RLF: variants seen among roughly 807,000 people sequenced by gnomAD.
The protein encoded by RLF is zinc finger protein Rlf.
A neutral mutation model predicts 162.9 loss-of-function variants in RLF; 7 were observed. The ratio of observed to expected loss-of-function variants is 0.04; its 90% CI spans 0.02 to 0.08. The LOEUF (loss-of-function observed/expected upper bound fraction) is 0.08, where lower values mean the gene tolerates loss of function less well. Ranked by LOEUF, RLF falls within the 10% of genes least tolerant of loss-of-function variation. The pLI is 1.00. For missense variants in RLF, 1,664 were observed against 2,244.7 expected, an observed-to-expected ratio of 0.74 and a Z score of 5.23; for synonymous variants, 782 against 791.5, an observed-to-expected ratio of 0.99 and a Z score of 0.20.
chr1:40,182,248 A>G (rs771999340), intron 1 of RLF, among the ~76,000 whole-genome samples: 14 of 152,094 alleles, frequency 9.2e-5, no homozygotes, highest in Admixed American at 5.9e-4. Context: ...CCTGGCCAAC[A>G]TGGTGAAACC....
intron 1 of RLF, among the ~76,000 whole-genome samples, chr1:40,188,312 C>T (rs987188523): frequency 5.9e-5 from 9 of 152,146 alleles, no homozygotes; most frequent in Admixed American, 5.9e-4. Context: ...TATAATTTAT[C>T]AGGCTTTATT....
chr1:40,163,346 C>G (rs1284689355), intron 1 of RLF, among the ~76,000 whole-genome samples: 1 of 152,100 alleles, frequency 6.6e-6, no homozygotes, highest in East Asian at 1.9e-4. Flanking sequence ...TGCAGGAAAA[C>G]AACTGTGGGT....
Position 40,240,526 on chromosome 1 carries a change from A to G in RLF, c.*79A>G. 1 of 984,800 alleles carries G rather than the reference A, an allele frequency of 1.0e-6. No homozygotes were observed. Among genetic ancestry groups the G allele is most frequent in the South Asian group, 1.5e-5 (1 of 65,526 alleles). 61.0% of individuals were successfully genotyped at this position (984,800 alleles called of 1,614,324 possible). On this transcript the variant is annotated 3_prime_UTR_variant, in exon 8 of 8. Transcript: ENST00000372771. Reference sequence around the variant, plus strand: ...TTTGCCAACTCGAACAAAGGCTGAGAAGCAGCCACACCGTTGTTTAGGGTA... The same window carrying G: ...TTTGCCAACTCGAACAAAGGCTGAGGAGCAGCCACACCGTTGTTTAGGGTA...
chr1:40,210,471 T>C (rs1017564407), intron 5 of RLF, among the ~76,000 whole-genome samples: 1 of 152,186 alleles, frequency 6.6e-6, no homozygotes, highest in Non-Finnish European at 1.5e-5. Flanking sequence ...AATACCCTGC[T>C]TAGGGCAGAG....
chr1:40,231,643 A>G lies in RLF; in HGVS notation c.1074A>G (p.Arg358=), dbSNP rs1238977016. 1.2e-6 allele frequency: 2 copies of G among 1,612,896 alleles called. No homozygotes were observed. The highest frequency in any genetic ancestry group is 2.2e-5 in the South Asian group (2 of 90,678). ...KTQQHLFCLI[R]VIQTEAQDAG... is the part of the protein sequence containing the mutation. ...AGCAGCATTTATTTTGCCTCATTAG[A>G]GTTATACAAACTGAAGTGAGTACTT... The change falls in exon 7 of 8, where the codon AGA becomes AGG. Residue 358 remains arginine (R), a synonymous_variant. Coordinates refer to ENST00000372771, the MANE Select transcript of RLF (RefSeq NM_012421.4).
At chr1:40,226,684 T>A (rs888814068) in intron 6 of RLF, among the ~76,000 whole-genome samples, 8 of 151,826 alleles carry the variant, frequency 5.3e-5, no homozygotes, top group African/African-American at 1.9e-4. Context: ...CTTTAAAAAT[T>A]TTTTTTTTCT....
chr1:40,224,236 A>C (rs968736829), intron 6 of RLF, among the ~76,000 whole-genome samples: 1 of 152,010 alleles, frequency 6.6e-6, no homozygotes, highest in Non-Finnish European at 1.5e-5. Context: ...GAGTAAAGGA[A>C]AGAAAATCTT....
At chr1:40,185,904 C>T (rs1642474234) in intron 1 of RLF, among the ~76,000 whole-genome samples, 1 of 147,318 alleles carries the variant, frequency 6.8e-6, no homozygotes, top group Non-Finnish European at 1.5e-5. Context: ...TGCCTGTAAT[C>T]CCAGCACTTG....
intron 1 of RLF, among the ~76,000 whole-genome samples, chr1:40,174,440 G>T (rs1286492197): frequency 6.6e-6 from 1 of 152,084 alleles, no homozygotes; most frequent in Non-Finnish European, 1.5e-5. Context: ...TGACCTTGGG[G>T]CAAGTCAGCT....
At chr1:40,222,164 G>A (rs543963675) in intron 5 of RLF, among the ~76,000 whole-genome samples, 32 of 152,066 alleles carry the variant, frequency 2.1e-4, no homozygotes, top group African/African-American at 7.5e-4. Flanking sequence ...CTGATATTGA[G>A]GATAAGCCAT....
At chr1:40,174,784 C>T (rs985739982) in intron 1 of RLF, among the ~76,000 whole-genome samples, 1 of 152,180 alleles carries the variant, frequency 6.6e-6, no homozygotes, top group South Asian at 2.1e-4. Flanking sequence ...GTGCCCATGC[C>T]AGTGGAAACT....
At chr1:40,195,905 C>A in intron 4 of RLF, 141 bp downstream of exon 4, 1 of 707,846 alleles carries the variant, frequency 1.4e-6, no homozygotes, top group Non-Finnish European at 2.2e-6. Context: ...TAACTATTAG[C>A]ATTTAATGTT....
In RLF at chr1:40,161,476, A is replaced by T; in HGVS notation, c.77A>T (p.Asp26Val). 1 of 1,580,526 alleles carries T rather than the reference A, an allele frequency of 6.3e-7. No homozygotes were observed. The highest frequency in any genetic ancestry group is 1.4e-5 in the African/African-American group (1 of 72,506). The change falls in exon 1 of 8, where the codon GAT (aspartate) becomes GTT (valine). Residue 26 changes from aspartate to valine, a missense_variant. Coordinates refer to ENST00000372771, the MANE Select transcript of RLF (RefSeq NM_012421.4). This position sits in a 1 kb window ranked among gnomAD's most constrained non-coding sequence, Gnocchi z 4.4. ...GCTCCGGCGGTAGCGGGAGCCGGAG[A>T]TGGAGTCGAGACTGAGTCCATGGTT... is the stretch of plus-strand genomic sequence containing the variant. ...AEAPAVAGAG[D>V]GVETESMVRG...
intron 5 of RLF, among the ~76,000 whole-genome samples, chr1:40,215,682 C>T (rs1011802397): frequency 5.9e-5 from 9 of 151,966 alleles, no homozygotes; most frequent in South Asian, 2.1e-4. Context: ...CCTGGGCTCA[C>T]GTGGTCCTCC....
chr1:40,221,369 G>T (rs1642991791), intron 5 of RLF, among the ~76,000 whole-genome samples: 1 of 151,660 alleles, frequency 6.6e-6, no homozygotes, highest in Non-Finnish European at 1.5e-5. Context: ...AAAAATAAAA[G>T]TTCTAGAAAT....
At chr1:40,176,209 G>T (rs974942913) in intron 1 of RLF, among the ~76,000 whole-genome samples, 5 of 152,196 alleles carry the variant, frequency 3.3e-5, no homozygotes, top group African/African-American at 1.2e-4. Context: ...AACATTTTGT[G>T]TGGAAGTCTT....
intron 7 of RLF, among the ~76,000 whole-genome samples, chr1:40,232,512 A>T (rs1190423019): frequency 2.6e-5 from 4 of 152,094 alleles, no homozygotes; most frequent in Admixed American, 2.6e-4. Flanking sequence ...TGGAAAATCC[A>T]CTTCAAAGCT....
In RLF at chr1:40,237,684, T is replaced by C; in HGVS notation, c.2982T>C (p.Phe994=). ...AAAAGATAAAGACGAAAGATCTGTTTCCCTCTTTGGGTAATGAACATAATC... is the reference window on the plus strand; with the variant it reads ...AAAAGATAAAGACGAAAGATCTGTTCCCCTCTTTGGGTAATGAACATAATC... ...KPKKIKTKDL[F]PSLGNEHNQT... Residue 994 remains phenylalanine, a synonymous_variant, in exon 8 of 8, where the codon TTT becomes TTC. Transcript: ENST00000372771. This position sits in a 1 kb window ranked among gnomAD's most constrained non-coding sequence, Gnocchi z 4.4. 1 of 1,614,152 alleles carries C rather than the reference T, an allele frequency of 6.2e-7. No homozygotes were observed. Among genetic ancestry groups the C allele is most frequent in the Non-Finnish European group, 8.5e-7 (1 of 1,180,004 alleles).
intron 1 of RLF, among the ~76,000 whole-genome samples, chr1:40,163,287 A>AC (rs1390392168): frequency 6.6e-6 from 1 of 152,042 alleles, no homozygotes; most frequent in African/African-American, 2.4e-5. Context: ...ATTGGTAAGG[A>AC]CCCAGAATGC....
Sources: allele counts gnomAD v4.1 joint callset (sites outside exome capture counted in the v4.1 genomes callset), GRCh38; gene constraint gnomAD v4.1.1; non-coding constraint Gnocchi (gnomAD v3.1); transcripts MANE v1.5; gene names NCBI Gene and HGNC (gene_info 2026-07-23, HGNC 2026-07-21).